TPO: variants seen among roughly 807,000 people sequenced by gnomAD.
TPO encodes thyroid peroxidase.
Under a neutral mutation model 96.9 loss-of-function variants are expected in TPO, and 78 were observed. That is an observed-to-expected ratio of 0.81 (90% confidence interval 0.67 to 0.97). The LOEUF (loss-of-function observed/expected upper bound fraction) is 0.97, where lower values mean the gene tolerates loss of function less well. Ranked by LOEUF, TPO falls within the 50% of genes least tolerant of loss-of-function variation. The probability of loss-of-function intolerance (pLI) is 0.00; values close to 1 mark genes in which losing one functional copy is unlikely to be tolerated. For missense variants in TPO, 1,252 were observed against 1,274.8 expected, an observed-to-expected ratio of 0.98 and a Z score of 0.27; for synonymous variants, 547 against 538.0, an observed-to-expected ratio of 1.02 and a Z score of -0.23.
intron 15 of TPO, among the ~76,000 whole-genome samples, chr2:1,532,273 C>A (rs73909620): frequency 2.6e-5 from 1 of 38,818 alleles, no homozygotes; most frequent in Non-Finnish European, 5.0e-5. Flanking sequence ...TGTGTGCAAC[C>A]TCCTCAAGTC....
chr2:1,482,066 G>C (rs983308213), intron 8 of TPO, among the ~76,000 whole-genome samples: 2 of 152,230 alleles, frequency 1.3e-5, no homozygotes, highest in African/African-American at 4.8e-5. Flanking sequence ...GACTAATAGG[G>C]CATGTTTGAG....
intron 15 of TPO, among the ~76,000 whole-genome samples, chr2:1,526,441 AACTGTGTGCAACCTCCCCAAATCCCCTCC>A (rs1295412035): frequency 6.5e-5 from 2 of 30,616 alleles, no homozygotes; most frequent in Non-Finnish European, 1.2e-4. Context: ...CAAATCCCCC[AACTGTGTGCAACCTCCCCAAATCCCCTCC>A]ACTGTGTGCA....
At chr2:1,521,173 C>CA (rs1280707320) in intron 15 of TPO, among the ~76,000 whole-genome samples, 3 of 152,178 alleles carry the variant, frequency 2.0e-5, no homozygotes, top group African/African-American at 7.2e-5. Flanking sequence ...GAATCATTTG[C>CA]ATTAATTTCC....
Position 1,389,936 on chromosome 2 carries a change from C to A in TPO, n.180+15534C>A, listed in dbSNP as rs530578714. 9.1e-4 allele frequency among the ~76,000 whole-genome samples: 139 copies of A among 152,014 alleles called. 2 individuals carry two copies. Among genetic ancestry groups the A allele is most frequent in the Non-Finnish European group, 9.9e-4 (67 of 68,002 alleles). ...CTGTTTGTCTTTTCCAATAAGCCAC[C>A]TTTTCTTCCCAGGGACCACGCCTGG... On this transcript the variant is annotated intron_variant and non_coding_transcript_variant, in intron 1 of 5. Coordinates refer to the TPO transcript ENST00000497517.
chr2:1,383,056 C>A (rs1324834809), intron 1 of TPO, among the ~76,000 whole-genome samples: 5 of 152,010 alleles, frequency 3.3e-5, no homozygotes, highest in Admixed American at 3.3e-4. Context: ...GACATGAACT[C>A]ATCATTTTTT....
intron 5 of TPO, among the ~76,000 whole-genome samples, chr2:1,442,968 G>C (rs939204185): frequency 6.6e-6 from 1 of 152,202 alleles, no homozygotes; most frequent in African/African-American, 2.4e-5. Context: ...GGGCACTTTG[G>C]CTCACGCCTG....
intron 15 of TPO, among the ~76,000 whole-genome samples, chr2:1,518,130 T>C (rs1459545570): frequency 2.8e-4 from 43 of 152,150 alleles, no homozygotes; most frequent in Non-Finnish European, 1.0e-4. Context: ...ATACCACATA[T>C]CTATGGATTA....
intron 1 of TPO, among the ~76,000 whole-genome samples, chr2:1,407,693 A>C (rs1288759726): frequency 6.6e-6 from 1 of 152,232 alleles, no homozygotes; most frequent in Non-Finnish European, 1.5e-5. Context: ...TTAATAAACC[A>C]GATGAGCACA....
chr2:1,514,118 G>A (rs1481920508), intron 14 of TPO, among the ~76,000 whole-genome samples: 2 of 152,142 alleles, frequency 1.3e-5, no homozygotes, highest in African/African-American at 2.4e-5. Flanking sequence ...GGGAGCTGGC[G>A]GGGCAGTTCC....
intron 14 of TPO, among the ~76,000 whole-genome samples, chr2:1,505,167 G>C (rs1444749150): frequency 6.6e-6 from 1 of 152,166 alleles, no homozygotes; most frequent in Non-Finnish European, 1.5e-5. Context: ...TCAGAGGCTG[G>C]GGAGGCTCTT....
At chr2:1,418,048 C>T (rs1481436773) in intron 2 of TPO, among the ~76,000 whole-genome samples, 1 of 152,182 alleles carries the variant, frequency 6.6e-6, no homozygotes, top group African/African-American at 2.4e-5. Flanking sequence ...TTTGGGAGGC[C>T]GAGGCGGGAA....
chr2:1,487,095 T>G (rs1246095073), intron 9 of TPO, among the ~76,000 whole-genome samples: 1 of 152,178 alleles, frequency 6.6e-6, no homozygotes, highest in African/African-American at 2.4e-5. Context: ...CTGCTTTCCA[T>G]GCGGGGCCTT....
At chr2:1,415,816 A>G (rs535094931) in intron 2 of TPO, among the ~76,000 whole-genome samples, 1 of 152,328 alleles carries the variant, frequency 6.6e-6, no homozygotes, top group East Asian at 1.9e-4. Flanking sequence ...AGCCACACCC[A>G]GCCCAGCCTC....
At chr2:1,475,269 A>G (rs1229377336) in intron 7 of TPO, among the ~76,000 whole-genome samples, 1 of 152,026 alleles carries the variant, frequency 6.6e-6, no homozygotes, top group Non-Finnish European at 1.5e-5. Context: ...AAGGGCGTGC[A>G]CTGAAGTTCC....
intron 14 of TPO, 152 bp from the exon 15 acceptor site, chr2:1,516,731 T>G: frequency 1.4e-6 from 1 of 725,058 alleles, no homozygotes; most frequent in Non-Finnish European, 2.4e-6. Context: ...AAATGGCTTT[T>G]CTGGGCAGAT....
intron 8 of TPO, among the ~76,000 whole-genome samples, chr2:1,480,428 G>A (rs1048512123): frequency 6.6e-6 from 1 of 151,992 alleles, no homozygotes; most frequent in African/African-American, 2.4e-5. Context: ...TGGTTCTACC[G>A]ACTCGTAGTT....
intron 10 of TPO, among the ~76,000 whole-genome samples, chr2:1,488,217 C>G (rs1335555610): frequency 1.3e-5 from 2 of 152,144 alleles, no homozygotes; most frequent in East Asian, 3.9e-4. Flanking sequence ...CTCCCAGGAA[C>G]GTATGAGCTG....
chr2:1,479,452 G>A (rs1209570218), intron 8 of TPO, among the ~76,000 whole-genome samples: 1 of 152,202 alleles, frequency 6.6e-6, no homozygotes. Flanking sequence ...CTCAGGAGCA[G>A]GATTTGGTTT....
At chr2:1,514,403 C>A (rs1164273080) in intron 14 of TPO, among the ~76,000 whole-genome samples, 1 of 152,236 alleles carries the variant, frequency 6.6e-6, no homozygotes, top group African/African-American at 2.4e-5. Context: ...ATTAACCATC[C>A]CAGTCATGTT....
Sources: gnomAD v4.1 joint callset for allele counts (sites outside exome capture counted in the v4.1 genomes callset) on GRCh38, gnomAD v4.1.1 for gene constraint, MANE v1.5 for transcripts, NCBI Gene and HGNC (gene_info 2026-07-23, HGNC 2026-07-21) for gene names.